SUMF1: variants seen among roughly 807,000 people sequenced by gnomAD.
SUMF1 encodes sulfatase modifying factor 1, also known as formylglycine-generating enzyme.
A neutral mutation model predicts 47.6 loss-of-function variants in SUMF1; 48 were observed. The ratio of observed to expected loss-of-function variants is 1.01; its 90% CI spans 0.80 to 1.28. The LOEUF (loss-of-function observed/expected upper bound fraction) is 1.28, where lower values mean the gene tolerates loss of function less well. SUMF1 is among the 50% of genes most tolerant of loss of function. SUMF1 has a pLI of 0.00. For synonymous variants in SUMF1, 230 were observed against 192.1 expected (o/e 1.20, Z -1.63); for missense variants, 571 against 485.4 (o/e 1.18, Z -1.66).
intron 8 of SUMF1, among the ~76,000 whole-genome samples, chr3:4,364,951 C>T (rs1018888570): frequency 2.6e-5 from 4 of 151,740 alleles, no homozygotes; most frequent in Non-Finnish European, 5.9e-5. Context: ...TTTCAAAGAA[C>T]ATCTTTATTT....
chr3:4,234,828 G>C (rs990349691), intron 8 of SUMF1, among the ~76,000 whole-genome samples: 1 of 152,140 alleles, frequency 6.6e-6, no homozygotes, highest in Non-Finnish European at 1.5e-5. Context: ...AGAAGCAAAA[G>C]AGAGCATGGC....
At chr3:4,386,990 C>A (rs1012279570) in intron 7 of SUMF1, among the ~76,000 whole-genome samples, 5 of 151,706 alleles carry the variant, frequency 3.3e-5, no homozygotes, top group African/African-American at 9.7e-5. Context: ...CTGATGAATT[C>A]TATTTGCTAA....
At chr3:4,267,475 T>A (rs1406845559) in intron 8 of SUMF1, among the ~76,000 whole-genome samples, 1 of 152,190 alleles carries the variant, frequency 6.6e-6, no homozygotes, top group Non-Finnish European at 1.5e-5. Flanking sequence ...TGTCGAGGAA[T>A]TTATCCATTT....
At chr3:4,047,211 T>A (rs1030714126) in intron 9 of SUMF1, among the ~76,000 whole-genome samples, 10 of 152,122 alleles carry the variant, frequency 6.6e-5, no homozygotes, top group African/African-American at 2.4e-4. Flanking sequence ...AGCTCATTAT[T>A]CTTTGCCATT....
At chr3:4,169,896 G>C (rs1694795625) in intron 8 of SUMF1, among the ~76,000 whole-genome samples, 1 of 152,188 alleles carries the variant, frequency 6.6e-6, no homozygotes, top group Non-Finnish European at 1.5e-5. Context: ...TACTCAGCAA[G>C]AGAGTTTTCC....
intron 8 of SUMF1, among the ~76,000 whole-genome samples, chr3:4,227,421 A>G (rs1696198133): frequency 6.6e-6 from 1 of 152,158 alleles, no homozygotes; most frequent in Admixed American, 6.5e-5. Context: ...AACTGCTTCT[A>G]CAACAGAAAA....
chr3:4,043,656 C>T (rs550955281), intron 9 of SUMF1, among the ~76,000 whole-genome samples: 3 of 152,210 alleles, frequency 2.0e-5, no homozygotes, highest in South Asian at 2.1e-4. Flanking sequence ...CTCTCTTCTT[C>T]GTCTATCTCA....
chr3:4,464,935 C>T (rs2819564), intron 1 of SUMF1, among the ~76,000 whole-genome samples: 32,070 of 152,194 alleles, frequency 0.21, 4,087 homozygotes, highest in Non-Finnish European at 0.3. Context: ...ATATAGCATC[C>T]AGTCAAGACA....
At chr3:4,170,105 G>A (rs142749650) in intron 8 of SUMF1, among the ~76,000 whole-genome samples, 193 of 152,230 alleles carry the variant, frequency 1.3e-3, no homozygotes, top group African/African-American at 4.4e-3. Context: ...AAGTTCAATG[G>A]AACACAATAT....
intron 3 of SUMF1, among the ~76,000 whole-genome samples, chr3:4,440,961 G>A (rs569161866): frequency 4.6e-5 from 7 of 151,550 alleles, no homozygotes; most frequent in African/African-American, 1.7e-4. Context: ...CTTAAATACT[G>A]GAAGTATATC....
intron 8 of SUMF1, among the ~76,000 whole-genome samples, chr3:4,318,655 C>A (rs980318254): frequency 1.3e-5 from 2 of 152,202 alleles, no homozygotes; most frequent in African/African-American, 4.8e-5. Context: ...TGCCTGTAAT[C>A]CCAGCACTTT....
rs553178507 is a variant in SUMF1, at chr3:4,192,538, A to G, written c.1015-123793T>C. Among the ~76,000 whole-genome samples, 27 of 152,236 alleles carry G rather than the reference A, an allele frequency of 1.8e-4. No homozygotes were observed. The South Asian group carries it at 5.4e-3, about 30-fold the overall frequency. The stretch of plus-strand genomic sequence containing the variant: ...ATTTGAGGCCACCTTAAAAAAATAC[A>G]TACTATTGTATAATAAAGAATTTGT... On this transcript the variant is annotated intron_variant and NMD_transcript_variant, in intron 8 of 12. Transcript: ENST00000448413.
chr3:4,109,908 G>A (rs1693252038), intron 8 of SUMF1, among the ~76,000 whole-genome samples: 1 of 152,040 alleles, frequency 6.6e-6, no homozygotes, highest in African/African-American at 2.4e-5. Flanking sequence ...ATTGTCTGAA[G>A]CCTTCTTCTC....
At chr3:4,414,339 A>G (rs1701638630) in intron 6 of SUMF1, among the ~76,000 whole-genome samples, 1 of 152,210 alleles carries the variant, frequency 6.6e-6, no homozygotes, top group Non-Finnish European at 1.5e-5. Context: ...TCAAATAAAT[A>G]AAATGAGACC....
chr3:4,091,898 A>C (rs1469901227), intron 8 of SUMF1, among the ~76,000 whole-genome samples: 1 of 151,764 alleles, frequency 6.6e-6, no homozygotes, highest in Non-Finnish European at 1.5e-5. Context: ...AAAAAAAAAA[A>C]AAACCATCTT....
chr3:4,197,393 A>G (rs1283067588), intron 8 of SUMF1, among the ~76,000 whole-genome samples: 2 of 152,080 alleles, frequency 1.3e-5, no homozygotes, highest in Admixed American at 6.6e-5. Context: ...GAGCCAGTGC[A>G]CCCAGTAAGG....
chr3:4,166,283 C>A (rs778129096), intron 8 of SUMF1, among the ~76,000 whole-genome samples: 5 of 152,076 alleles, frequency 3.3e-5, no homozygotes, highest in Non-Finnish European at 5.9e-5. Flanking sequence ...AGGACCATAC[C>A]ATGAGGGAGG....
At chr3:4,080,364 C>G (rs142548209) in intron 8 of SUMF1, among the ~76,000 whole-genome samples, 1 of 152,130 alleles carries the variant, frequency 6.6e-6, no homozygotes, top group Admixed American at 6.5e-5. Context: ...CCTCTTGAGC[C>G]ACTGGCCAAG....
chr3:4,075,604 C>A (rs1692415346), intron 8 of SUMF1, among the ~76,000 whole-genome samples: 1 of 152,126 alleles, frequency 6.6e-6, no homozygotes, highest in South Asian at 2.1e-4. Context: ...TCATCTCAGC[C>A]CAAAATCTCC....
Sources: allele counts gnomAD v4.1 joint callset (sites outside exome capture counted in the v4.1 genomes callset), GRCh38; gene constraint gnomAD v4.1.1; transcripts MANE v1.5; gene names NCBI Gene and HGNC (gene_info 2026-07-23, HGNC 2026-07-21).